Variants in GMDS observed in about 807,000 individuals in gnomAD.
The protein encoded by GMDS is GDP-mannose 4,6-dehydratase.
GMDS carries 20 observed loss-of-function variants against 49.9 expected under a neutral mutation model. The ratio of observed to expected loss-of-function variants is 0.40; its 90% CI spans 0.28 to 0.58. GMDS has a LOEUF of 0.58. Ranked by LOEUF, GMDS falls within the 20% of genes least tolerant of loss-of-function variation. The pLI, the probability that GMDS is intolerant of heterozygous loss-of-function variation, is 0.42. For synonymous variants in GMDS, 177 were observed against 178.6 expected (o/e 0.99, Z 0.07); for missense variants, 362 against 481.4 (o/e 0.75, Z 2.32).
At chr6:1,942,559 G>A (rs545061003) in intron 6 of GMDS, among the ~76,000 whole-genome samples, 16 of 152,202 alleles carry the variant, frequency 1.1e-4, no homozygotes, top group Non-Finnish European at 2.1e-4. Context: ...TCCAGATGGA[G>A]TTGAAAGAGA....
intron 7 of GMDS, among the ~76,000 whole-genome samples, chr6:1,803,214 G>A (rs2113663080): frequency 1.3e-5 from 2 of 152,188 alleles, no homozygotes; most frequent in Middle Eastern, 6.8e-3. Flanking sequence ...CTGCTGATTT[G>A]GGACCAGCTT....
At chr6:2,111,930 C>A (rs1038179306) in intron 4 of GMDS, among the ~76,000 whole-genome samples, 12 of 152,176 alleles carry the variant, frequency 7.9e-5, no homozygotes, top group African/African-American at 2.9e-4. Flanking sequence ...AATTGCAACC[C>A]ACCATGGAGA....
intron 7 of GMDS, among the ~76,000 whole-genome samples, chr6:1,831,599 A>G (rs1276190893): frequency 2.0e-5 from 3 of 152,218 alleles, no homozygotes; most frequent in Non-Finnish European, 4.4e-5. Context: ...GCGATAGAAG[A>G]AAGTTTTTTA....
intron 9 of GMDS, among the ~76,000 whole-genome samples, chr6:1,647,191 A>G (rs1763511620): frequency 6.6e-6 from 1 of 152,246 alleles, no homozygotes; most frequent in Non-Finnish European, 1.5e-5. Flanking sequence ...CCTGTCCACG[A>G]TGTGGCTTTA....
At chr6:1,802,710 C>A (rs887457991) in intron 7 of GMDS, among the ~76,000 whole-genome samples, 1 of 152,190 alleles carries the variant, frequency 6.6e-6, no homozygotes, top group African/African-American at 2.4e-5. Flanking sequence ...GAGGAGGGGG[C>A]GCTCCGCTGA....
intron 7 of GMDS, among the ~76,000 whole-genome samples, 188 bp from the exon 8 acceptor site, chr6:1,742,774 T>G (rs1380417588): frequency 2.0e-5 from 3 of 152,190 alleles, no homozygotes; most frequent in African/African-American, 7.2e-5. Context: ...AGGAACTTCT[T>G]GGTGTGGATG....
chr6:1,894,364 T>G (rs992693069), intron 7 of GMDS, among the ~76,000 whole-genome samples: 3 of 152,236 alleles, frequency 2.0e-5, no homozygotes, highest in Non-Finnish European at 4.4e-5. Context: ...GTTATAGGTA[T>G]TTATTTTATG....
chr6:2,138,918 ACTG>A lies in GMDS; in HGVS notation c.103-14190_103-14188del, dbSNP rs149348048. On this transcript the variant is annotated intron_variant, in intron 1 of 10. Coordinates refer to ENST00000380815, the MANE Select transcript of GMDS (RefSeq NM_001500.4). ...AAGTCCCTAGTCTCTTTGTGTTCCCACTGCTTTGATCATACTACTAATTTCTGT... is the reference window on the plus strand; with the variant it reads ...AAGTCCCTAGTCTCTTTGTGTTCCCACTTTGATCATACTACTAATTTCTGT... Among the ~76,000 whole-genome samples the A allele has an allele frequency of 4.0e-3, 614 of 152,250 alleles. 5 individuals carry two copies. The highest frequency in any genetic ancestry group is 0.014 in the African/African-American group (583 of 41,536).
intron 4 of GMDS, among the ~76,000 whole-genome samples, chr6:2,042,778 A>T (rs1769763255): frequency 6.6e-6 from 1 of 152,142 alleles, no homozygotes; most frequent in Non-Finnish European, 1.5e-5. Context: ...GAAACTTAAT[A>T]TTTTTTAAAG....
At position 2,035,976 on chromosome 6, in the gene GMDS, C is replaced by T. The variant is rs1035812904; in HGVS notation, c.346-75010G>A. 4.6e-5 allele frequency among the ~76,000 whole-genome samples: 7 copies of T among 152,232 alleles called. No individual in the cohort carries two copies. The South Asian group carries it at 8.3e-4, about 18-fold the overall frequency. On this transcript the variant is annotated intron_variant, in intron 4 of 10. Transcript: ENST00000380815. ...TGCTGGGATTACAGGTATGAGCCAC[C>T]GCGCCCAGCCAAAAGAGTACTTTAA...
chr6:2,185,783 A>C (rs1778752614), intron 1 of GMDS, among the ~76,000 whole-genome samples: 1 of 152,172 alleles, frequency 6.6e-6, no homozygotes, highest in Non-Finnish European at 1.5e-5. Flanking sequence ...TTGTGATTAA[A>C]ATAAGGTCCC....
At chr6:2,008,755 T>C (rs943430226) in intron 4 of GMDS, among the ~76,000 whole-genome samples, 1 of 152,226 alleles carries the variant, frequency 6.6e-6, no homozygotes, top group Non-Finnish European at 1.5e-5. Flanking sequence ...GCTTCATACT[T>C]GTCCTGTGAG....
chr6:1,769,083 TA>T (rs1220862390), intron 7 of GMDS, among the ~76,000 whole-genome samples: 4 of 152,200 alleles, frequency 2.6e-5, no homozygotes, highest in Admixed American at 6.5e-5. Context: ...ACTAGTATAT[TA>T]TAATTTAAGT....
At chr6:1,689,569 T>C (rs1044207974) in intron 9 of GMDS, among the ~76,000 whole-genome samples, 2 of 152,226 alleles carry the variant, frequency 1.3e-5, no homozygotes, top group African/African-American at 4.8e-5. Flanking sequence ...GGAGTAAATA[T>C]GTTCCTGGCA....
chr6:1,708,003 T>C (rs1055576237), intron 9 of GMDS, among the ~76,000 whole-genome samples: 2 of 152,268 alleles, frequency 1.3e-5, no homozygotes, highest in Admixed American at 1.3e-4. Context: ...TTCACATGCG[T>C]TATTAAACAT....
chr6:1,975,983 C>A (rs141398244), intron 4 of GMDS, among the ~76,000 whole-genome samples: 2 of 152,008 alleles, frequency 1.3e-5, no homozygotes, highest in Non-Finnish European at 2.9e-5. Flanking sequence ...ACCTGGAACT[C>A]GAAAAATATC....
At chr6:1,686,545 G>C (rs941577075) in intron 9 of GMDS, among the ~76,000 whole-genome samples, 1 of 152,198 alleles carries the variant, frequency 6.6e-6, no homozygotes, top group Admixed American at 6.5e-5. Context: ...ATTAGTCACA[G>C]TATTTGTCTT....
At chr6:1,706,966 G>C (rs371020947) in intron 9 of GMDS, among the ~76,000 whole-genome samples, 1 of 152,142 alleles carries the variant, frequency 6.6e-6, no homozygotes, top group Non-Finnish European at 1.5e-5. Flanking sequence ...CAGTATTTTC[G>C]GGAAGGCAAG....
chr6:2,233,027 T>C (rs549686298), intron 1 of GMDS, among the ~76,000 whole-genome samples: 3 of 152,314 alleles, frequency 2.0e-5, no homozygotes, highest in African/African-American at 4.8e-5. Flanking sequence ...TGAATGGGTA[T>C]GGGCTCTCCT....
Sources: allele counts gnomAD v4.1 joint callset (sites outside exome capture counted in the v4.1 genomes callset), GRCh38; gene constraint gnomAD v4.1.1; transcripts MANE v1.5; gene names NCBI Gene and HGNC (gene_info 2026-07-23, HGNC 2026-07-21).